Variants in C5orf52 observed in about 807,000 individuals in gnomAD.
C5orf52 encodes the protein chromosome 5 open reading frame 52, also known as uncharacterized protein C5orf52.
In C5orf52, 15 loss-of-function variants were observed where a neutral mutation model predicts 16.8. The observed-to-expected ratio is 0.89, with a 90% confidence interval of 0.60 to 1.38. The LOEUF is 1.38. Ranked by LOEUF, C5orf52 falls within the 40% of genes most tolerant of loss-of-function variation. The probability of loss-of-function intolerance (pLI) is 0.00; values close to 1 mark genes in which losing one functional copy is unlikely to be tolerated. For missense variants in C5orf52, 206 were observed against 213.1 expected (o/e 0.97, Z 0.21); for synonymous variants, 83 against 87.2 (o/e 0.95, Z 0.27).
rs1240403221 is a variant in C5orf52, at chr5:157,671,592, CTT to C, written c.-21_-20del. ...GGCAACCAGCCACCAGTTTCCAACT[CTT>C]TCTCCAACAGGGAAGCCGCAATGAC... On this transcript the variant is annotated 5_prime_UTR_variant, in exon 1 of 3. Transcript: ENST00000409999. The C allele has an allele frequency of 2.0e-6, 3 of 1,536,154 alleles. No individual in the cohort carries two copies. The highest frequency in any genetic ancestry group is 1.4e-5 in the African/African-American group (1 of 72,424).
rs1293528175 is a variant in C5orf52, at chr5:157,679,984, AC to A, written c.467del (p.Pro156HisfsTer16). On this transcript the variant is annotated frameshift_variant, in exon 3 of 3. Transcript: ENST00000409999. LOFTEE classifies it high-confidence loss of function. Reference sequence around the variant, plus strand: ...GCAACCGGTACTTAACCTTCGGGATACCACCACCAGTTTAAACTCCAGTCTC... The same window carrying A: ...GCAACCGGTACTTAACCTTCGGGATACACCACCAGTTTAAACTCCAGTCTC... ...NSNRYLTFGI[P>X]PPV The A allele has an allele frequency of 2.6e-6, 4 of 1,551,180 alleles. No homozygotes were observed. The highest frequency in any genetic ancestry group is 3.5e-6 in the Non-Finnish European group (4 of 1,146,878).
At chr5:157,678,076 T>A (rs963329842) in intron 2 of C5orf52, among the ~76,000 whole-genome samples, 2 of 152,216 alleles carry the variant, frequency 1.3e-5, no homozygotes, top group Admixed American at 1.3e-4. Context: ...ATGACAAAAG[T>A]GGAGATTGCT....
At chr5:157,672,264 G>GA (rs767905998) in intron 1 of C5orf52, among the ~76,000 whole-genome samples, 1 of 151,722 alleles carries the variant, frequency 6.6e-6, no homozygotes, top group Non-Finnish European at 1.5e-5. Flanking sequence ...GGTGGTCCTG[G>GA]AAAAAACCCC....
intron 1 of C5orf52, among the ~76,000 whole-genome samples, chr5:157,673,525 C>T (rs1163641187): frequency 6.6e-6 from 1 of 152,100 alleles, no homozygotes. Flanking sequence ...CTGCTTTCTT[C>T]TCCCATCTAA....
chr5:157,679,050 T>C (rs7712133), intron 2 of C5orf52, among the ~76,000 whole-genome samples: 76,842 of 151,370 alleles, frequency 0.51, 22,709 homozygotes, highest in African/African-American at 0.83. Flanking sequence ...AGGAGAATGG[T>C]GTGAACCCAG....
intron 2 of C5orf52, among the ~76,000 whole-genome samples, chr5:157,675,739 C>G (rs186745187): frequency 6.8e-4 from 104 of 152,248 alleles, no homozygotes; most frequent in Non-Finnish European, 1.1e-3. Context: ...AACAGAAAAC[C>G]AAAGTCTTGG....
At chr5:157,675,665 G>A (rs565598289) in intron 2 of C5orf52, among the ~76,000 whole-genome samples, 5 of 152,196 alleles carry the variant, frequency 3.3e-5, no homozygotes, top group African/African-American at 4.8e-5. Context: ...TTAGCCAGGT[G>A]TGGTGGCAGC....
upstream of C5orf52, among the ~76,000 whole-genome samples, chr5:157,671,021 T>C (rs1759769690): frequency 1.3e-5 from 2 of 152,200 alleles, no homozygotes; most frequent in African/African-American, 4.8e-5. Context: ...CTTCTTCGCC[T>C]GCTCGGTGTC....
At chr5:157,679,503 A>C (rs1759968244) in intron 2 of C5orf52, among the ~76,000 whole-genome samples, 1 of 152,010 alleles carries the variant, frequency 6.6e-6, no homozygotes, top group Non-Finnish European at 1.5e-5. Context: ...TGCTTGGCTA[A>C]TCTTTGTATT....
chr5:157,674,963 A>G, intron 1 of C5orf52, 129 bp from the exon 2 acceptor site: 1 of 610,468 alleles, frequency 1.6e-6, no homozygotes, highest in East Asian at 2.8e-5. Flanking sequence ...TTTGAAAATT[A>G]TGACAGAGCT....
At chr5:157,679,731 C>T (rs1464465966) in intron 2 of C5orf52, 110 bp from the exon 3 acceptor site, 2 of 1,020,410 alleles carry the variant, frequency 2.0e-6, no homozygotes. Flanking sequence ...GTCCAGCTGA[C>T]ACTTTTCCCA....
At chr5:157,677,743 G>A (rs1350968638) in intron 2 of C5orf52, among the ~76,000 whole-genome samples, 5 of 152,088 alleles carry the variant, frequency 3.3e-5, no homozygotes, top group African/African-American at 7.2e-5. Flanking sequence ...CAGCACTTTG[G>A]GAGGCTGAGG....
At chr5:157,677,185 T>C (rs1317141340) in intron 2 of C5orf52, among the ~76,000 whole-genome samples, 1 of 152,160 alleles carries the variant, frequency 6.6e-6, no homozygotes, top group Non-Finnish European at 1.5e-5. Context: ...TGGCTTTCTG[T>C]ATTTAGTAGG....
At chr5:157,679,399 C>T (rs556660840) in intron 2 of C5orf52, among the ~76,000 whole-genome samples, 186 of 152,188 alleles carry the variant, frequency 1.2e-3, no homozygotes, top group Non-Finnish European at 2.0e-3. Flanking sequence ...TGCTGTGGTG[C>T]GGTCTCGGCT....
intron 2 of C5orf52, among the ~76,000 whole-genome samples, chr5:157,678,995 G>A (rs1759958310): frequency 6.6e-6 from 1 of 152,006 alleles, no homozygotes; most frequent in Non-Finnish European, 1.5e-5. Flanking sequence ...TTAGCCAGGT[G>A]TGGTGGCGGG....
At chr5:157,678,675 G>A (rs1445742690) in intron 2 of C5orf52, among the ~76,000 whole-genome samples, 1 of 152,100 alleles carries the variant, frequency 6.6e-6, no homozygotes, top group Non-Finnish European at 1.5e-5. Context: ...TGGCCAGGCT[G>A]ATCTCAAACT....
At chr5:157,672,863 C>G (rs994380312) in intron 1 of C5orf52, among the ~76,000 whole-genome samples, 12 of 151,234 alleles carry the variant, frequency 7.9e-5, no homozygotes, top group African/African-American at 2.9e-4. Context: ...ACCATGTTGG[C>G]CAGTCTGGTC....
chr5:157,679,892 C>A lies in C5orf52; in HGVS notation c.373C>A (p.Leu125Met). ...KKKISHYYEH[L>M]KKKFMTEQLR... ...AAAGATCAGCCACTACTATGAACACCTGAAAAAAAAGTTCATGACAGAGCA... is the reference window on the plus strand; with the variant it reads ...AAAGATCAGCCACTACTATGAACACATGAAAAAAAAGTTCATGACAGAGCA... Residue 125 changes from leucine (L) to methionine (M), a missense_variant, in exon 3 of 3, where the codon CTG becomes ATG. Transcript: ENST00000409999. 6.4e-7 allele frequency: 1 copy of A among 1,551,646 alleles called. No homozygotes were observed. Among genetic ancestry groups the A allele is most frequent in the Non-Finnish European group, 8.7e-7 (1 of 1,146,968 alleles).
chr5:157,676,878 T>C (rs538163597), intron 2 of C5orf52, among the ~76,000 whole-genome samples: 6 of 141,922 alleles, frequency 4.2e-5, no homozygotes, highest in South Asian at 2.2e-4. Flanking sequence ...TTTCTTTTTT[T>C]TTTTTTTTGA....
Sources: gnomAD v4.1 joint callset for allele counts (sites outside exome capture counted in the v4.1 genomes callset) on GRCh38, gnomAD v4.1.1 for gene constraint, MANE v1.5 for transcripts, NCBI Gene and HGNC (gene_info 2026-07-23, HGNC 2026-07-21) for gene names.